Variants in CAMKMT observed in about 807,000 individuals in gnomAD.
CAMKMT encodes the protein calmodulin-lysine N-methyltransferase, also known as CaM KMT.
A neutral mutation model predicts 48.0 loss-of-function variants in CAMKMT; 53 were observed. The observed-to-expected ratio is 1.10, with a 90% CI of 0.89 to 1.39. The LOEUF (loss-of-function observed/expected upper bound fraction) is 1.39. Ranked by LOEUF, CAMKMT falls within the 40% of genes most tolerant of loss-of-function variation. CAMKMT has a pLI of 0.00. For missense variants in CAMKMT, 428 were observed against 402.7 expected (o/e 1.06, Z -0.54); for synonymous variants, 165 against 152.3 (o/e 1.08, Z -0.61).
At chr2:44,655,747 G>C (rs764617761) in intron 3 of CAMKMT, among the ~76,000 whole-genome samples, 3 of 152,140 alleles carry the variant, frequency 2.0e-5, no homozygotes, top group South Asian at 4.1e-4. Context: ...CAGGGGAGGC[G>C]GGGAATGAGG....
intron 3 of CAMKMT, among the ~76,000 whole-genome samples, chr2:44,526,253 A>G (rs1362253020): frequency 2.0e-5 from 3 of 152,228 alleles, no homozygotes; most frequent in Non-Finnish European, 2.9e-5. Context: ...TGAAATTAAT[A>G]TTGTCTGCCT....
chr2:44,703,400 A>G (rs894609169), intron 3 of CAMKMT, among the ~76,000 whole-genome samples: 2 of 152,160 alleles, frequency 1.3e-5, no homozygotes, highest in African/African-American at 4.8e-5. Flanking sequence ...AGGTAGAATT[A>G]TTGTTAAATT....
At chr2:44,532,198 A>T (rs1311521351) in intron 3 of CAMKMT, among the ~76,000 whole-genome samples, 1 of 152,216 alleles carries the variant, frequency 6.6e-6, no homozygotes, top group African/African-American at 2.4e-5. Context: ...ATTTGCTTTT[A>T]AAGTGTCAAC....
intron 3 of CAMKMT, among the ~76,000 whole-genome samples, chr2:44,474,329 A>C (rs698806): frequency 0.97 from 147,436 of 151,790 alleles, 71,632 homozygotes; most frequent in East Asian, 1. Flanking sequence ...TGCCTATAAT[A>C]CCAGCTACTC....
Position 44,707,767 on chromosome 2 carries a change from T to C in CAMKMT, c.556+305T>C, listed in dbSNP as rs1049014907. 3.3e-5 allele frequency among the ~76,000 whole-genome samples: 5 copies of C among 152,218 alleles called. No individual in the cohort carries two copies. The East Asian group carries it at 5.8e-4, about 18-fold the overall frequency. On this transcript the variant is annotated intron_variant, in intron 6 of 10. Transcript: ENST00000378494. Reference sequence around the variant, plus strand: ...AAGCATTCTTGTTCTTTTATTTCCATTGGAATTTGCCAGTGTAAAACAAAT... The same window carrying C: ...AAGCATTCTTGTTCTTTTATTTCCACTGGAATTTGCCAGTGTAAAACAAAT...
At chr2:44,664,233 T>A (rs1470520278) in intron 3 of CAMKMT, among the ~76,000 whole-genome samples, 1 of 152,228 alleles carries the variant, frequency 6.6e-6, no homozygotes, top group African/African-American at 2.4e-5. Context: ...ATATGTAGCC[T>A]CTCTAAGACT....
chr2:44,498,426 A>G (rs1029041778), intron 3 of CAMKMT, among the ~76,000 whole-genome samples: 1 of 152,236 alleles, frequency 6.6e-6, no homozygotes, highest in African/African-American at 2.4e-5. Flanking sequence ...TAGAGTAAAT[A>G]TGAGGAGCTA....
At chr2:44,523,703 C>A (rs886373575) in intron 3 of CAMKMT, among the ~76,000 whole-genome samples, 1 of 151,434 alleles carries the variant, frequency 6.6e-6, no homozygotes, top group Non-Finnish European at 1.5e-5. Context: ...CTGTATATGA[C>A]CTCTATGGGG....
chr2:44,643,986 T>C lies in CAMKMT; in HGVS notation c.377-60297T>C, dbSNP rs745824613. 2.2e-3 allele frequency among the ~76,000 whole-genome samples: 330 copies of C among 152,360 alleles called. 2 individuals are homozygous for C. The highest frequency in any genetic ancestry group is 3.3e-3 in the Non-Finnish European group (222 of 68,032). On this transcript the variant is annotated intron_variant, in intron 3 of 10. Transcript: ENST00000378494. ...GGAGAGTTGCAGCAATCCACTCATA[T>C]AGTGATTACACCTTGTGACAAAAGA...
intron 3 of CAMKMT, among the ~76,000 whole-genome samples, chr2:44,501,522 C>T (rs577263664): frequency 1.3e-5 from 2 of 152,254 alleles, no homozygotes; most frequent in South Asian, 2.1e-4. Flanking sequence ...TTTAAGTTGC[C>T]TATCTCCTAT....
chr2:44,667,865 C>G (rs941746797), intron 3 of CAMKMT, among the ~76,000 whole-genome samples: 1 of 152,208 alleles, frequency 6.6e-6, no homozygotes, highest in Non-Finnish European at 1.5e-5. Flanking sequence ...TCCCTCCTCC[C>G]TGCCTGCCTC....
chr2:44,664,494 C>T (rs182581109), intron 3 of CAMKMT, among the ~76,000 whole-genome samples: 11 of 152,156 alleles, frequency 7.2e-5, no homozygotes, highest in African/African-American at 1.4e-4. Context: ...TAGACATGTT[C>T]GGTAATCAGT....
intron 3 of CAMKMT, among the ~76,000 whole-genome samples, chr2:44,479,798 GC>G (rs1668874088): frequency 6.6e-6 from 1 of 152,084 alleles, no homozygotes; most frequent in African/African-American, 2.4e-5. Context: ...GATTTAAGTA[GC>G]TTATCTTTCT....
chr2:44,484,008 T>G (rs1245856027), intron 3 of CAMKMT, among the ~76,000 whole-genome samples: 1 of 152,168 alleles, frequency 6.6e-6, no homozygotes, highest in Non-Finnish European at 1.5e-5. Context: ...GGCATGCTCT[T>G]AAAGCATTAC....
At chr2:44,640,509 A>C (rs191751409) in intron 3 of CAMKMT, among the ~76,000 whole-genome samples, 1 of 152,142 alleles carries the variant, frequency 6.6e-6, no homozygotes, top group Admixed American at 6.5e-5. Context: ...CTCTGGCTGT[A>C]TGGTTTGTCC....
intron 7 of CAMKMT, among the ~76,000 whole-genome samples, chr2:44,741,382 A>G (rs1399806974): frequency 6.6e-6 from 1 of 152,226 alleles, no homozygotes; most frequent in East Asian, 1.9e-4. Flanking sequence ...AGCTCCAGGA[A>G]GCACCATTCT....
At chr2:44,640,509 A>G (rs191751409) in intron 3 of CAMKMT, among the ~76,000 whole-genome samples, 24 of 152,262 alleles carry the variant, frequency 1.6e-4, no homozygotes, top group Admixed American at 6.5e-4. Flanking sequence ...CTCTGGCTGT[A>G]TGGTTTGTCC....
chr2:44,715,615 A>G (rs1558814280), intron 7 of CAMKMT, among the ~76,000 whole-genome samples: 1 of 152,186 alleles, frequency 6.6e-6, no homozygotes, highest in Non-Finnish European at 1.5e-5. Context: ...ATTTATGATT[A>G]TACAGTATGA....
At chr2:44,592,766 C>T (rs1471125857) in intron 3 of CAMKMT, among the ~76,000 whole-genome samples, 2 of 152,118 alleles carry the variant, frequency 1.3e-5, no homozygotes, top group African/African-American at 4.8e-5. Flanking sequence ...GGGAGGACTA[C>T]TGTACTTTGT....
Sources: gnomAD v4.1 joint callset for allele counts (sites outside exome capture counted in the v4.1 genomes callset) on GRCh38, gnomAD v4.1.1 for gene constraint, MANE v1.5 for transcripts, NCBI Gene and HGNC (gene_info 2026-07-23, HGNC 2026-07-21) for gene names.